RALYL: variants seen among roughly 807,000 people sequenced by gnomAD.
The protein encoded by RALYL is RALY RNA binding protein like.
Under a neutral mutation model 35.1 loss-of-function variants are expected in RALYL, and 29 were observed. The ratio of observed to expected loss-of-function variants is 0.83; its 90% confidence interval spans 0.61 to 1.13. RALYL has a LOEUF of 1.13. RALYL is among the 50% of genes most tolerant of loss of function. The probability of loss-of-function intolerance (pLI) is 0.00; values close to 1 mark genes in which losing one functional copy is unlikely to be tolerated. For missense variants in RALYL, 359 were observed against 360.4 expected, an observed-to-expected ratio of 1.00 and a Z score of 0.03; for synonymous variants, 120 against 127.6, an observed-to-expected ratio of 0.94 and a Z score of 0.40.
chr8:84,410,145 A>T (rs553532525), intron 1 of RALYL, among the ~76,000 whole-genome samples: 1 of 152,056 alleles, frequency 6.6e-6, no homozygotes, highest in East Asian at 1.9e-4. Flanking sequence ...AAACATGAAA[A>T]ATACTCTGAT....
chr8:84,513,640 T>A (rs1353062252), intron 1 of RALYL, among the ~76,000 whole-genome samples: 1 of 152,180 alleles, frequency 6.6e-6, no homozygotes, highest in African/African-American at 2.4e-5. Flanking sequence ...TCTTGTTATA[T>A]TTAAATAAAC....
intron 1 of RALYL, among the ~76,000 whole-genome samples, chr8:84,323,916 T>C (rs1235377698): frequency 6.6e-6 from 1 of 152,138 alleles, no homozygotes; most frequent in Admixed American, 6.5e-5. Flanking sequence ...TGTGTTAAAA[T>C]ATATTGGAAC....
chr8:84,426,434 C>G (rs62526803), intron 1 of RALYL, among the ~76,000 whole-genome samples: 39 of 64,742 alleles, frequency 6.0e-4, no homozygotes, highest in African/African-American at 1.6e-3. Flanking sequence ...TTCTCTCTCT[C>G]TCTCTGTGTG....
intron 1 of RALYL, among the ~76,000 whole-genome samples, chr8:84,365,971 T>A (rs1586629479): frequency 6.6e-6 from 1 of 152,202 alleles, no homozygotes; most frequent in Non-Finnish European, 1.5e-5. Context: ...TCATAGATGC[T>A]TCACTGTAGC....
chr8:84,815,587 G>A (rs1472898313), intron 4 of RALYL, among the ~76,000 whole-genome samples: 2 of 151,320 alleles, frequency 1.3e-5, no homozygotes, highest in Admixed American at 6.6e-5. Context: ...TAAGTTTGGG[G>A]GCTCATATTC....
intron 1 of RALYL, among the ~76,000 whole-genome samples, chr8:84,235,663 T>G (rs1200817331): frequency 6.6e-6 from 1 of 152,166 alleles, no homozygotes; most frequent in Middle Eastern, 3.2e-3. Flanking sequence ...GGATAGTTAG[T>G]AATATTTTTA....
At chr8:84,495,807 C>T (rs1023694151) in intron 1 of RALYL, among the ~76,000 whole-genome samples, 5 of 152,046 alleles carry the variant, frequency 3.3e-5, no homozygotes, top group African/African-American at 1.2e-4. Context: ...GAAGCAAATG[C>T]ATAAAGTGTC....
At chr8:84,846,852 G>T (rs1264297125) in intron 4 of RALYL, among the ~76,000 whole-genome samples, 1 of 152,142 alleles carries the variant, frequency 6.6e-6, no homozygotes, top group Non-Finnish European at 1.5e-5. Flanking sequence ...GGGATTGATT[G>T]TAATGTTATC....
At chr8:84,346,382 G>A (rs1849838640) in intron 1 of RALYL, among the ~76,000 whole-genome samples, 1 of 152,102 alleles carries the variant, frequency 6.6e-6, no homozygotes, top group African/African-American at 2.4e-5. Flanking sequence ...GAGTATGTTT[G>A]TATTCATGGT....
chr8:84,313,048 C>T (rs1843095415), intron 1 of RALYL, among the ~76,000 whole-genome samples: 1 of 152,232 alleles, frequency 6.6e-6, no homozygotes, highest in Non-Finnish European at 1.5e-5. Flanking sequence ...CAAGCCTCAC[C>T]TCTTGTCTTC....
chr8:84,692,158 G>A (rs757810282), intron 2 of RALYL, among the ~76,000 whole-genome samples: 30 of 151,744 alleles, frequency 2.0e-4, no homozygotes, highest in Non-Finnish European at 2.9e-4. Context: ...GAAACTTTAC[G>A]CCTTGAAATG....
chr8:84,321,987 A>T (rs564478488), intron 1 of RALYL, among the ~76,000 whole-genome samples: 2 of 152,118 alleles, frequency 1.3e-5, no homozygotes, highest in Non-Finnish European at 2.9e-5. Context: ...AACCCTAAAC[A>T]TGCATGTACC....
chr8:84,541,262 C>T (rs1159503176), intron 2 of RALYL, among the ~76,000 whole-genome samples: 1 of 151,956 alleles, frequency 6.6e-6, no homozygotes, highest in African/African-American at 2.4e-5. Flanking sequence ...TGAGCACAGT[C>T]TCAGCCTCAT....
intron 1 of RALYL, among the ~76,000 whole-genome samples, chr8:84,388,839 T>C (rs1859889757): frequency 6.6e-6 from 1 of 152,062 alleles, no homozygotes; most frequent in Non-Finnish European, 1.5e-5. Context: ...AGAAGCTCTT[T>C]AGTTTAATTA....
chr8:84,884,489 A>G (rs557387538), intron 7 of RALYL, among the ~76,000 whole-genome samples: 222 of 143,734 alleles, frequency 1.5e-3, no homozygotes, highest in African/African-American at 5.8e-3. Context: ...AAAATTATAT[A>G]TACATATACA....
At chr8:84,409,670 G>A (rs775182033) in intron 1 of RALYL, among the ~76,000 whole-genome samples, 51 of 151,888 alleles carry the variant, frequency 3.4e-4, no homozygotes, top group Middle Eastern at 3.4e-3. Context: ...TTTTTCCATC[G>A]TATACTCCTC....
At chr8:84,319,683 C>T (rs772175397) in intron 1 of RALYL, among the ~76,000 whole-genome samples, 11 of 152,018 alleles carry the variant, frequency 7.2e-5, no homozygotes, top group African/African-American at 1.2e-4. Context: ...GTAAGTAAAG[C>T]TTTCATTAAT....
chr8:84,393,161 C>T (rs142688321), intron 1 of RALYL, among the ~76,000 whole-genome samples: 2,413 of 152,152 alleles, frequency 0.016, 60 homozygotes, highest in African/African-American at 0.055. Flanking sequence ...ATCTCTGTCT[C>T]TACTTTGGGG....
intron 1 of RALYL, among the ~76,000 whole-genome samples, chr8:84,499,467 A>G (rs1340656109): frequency 1.3e-5 from 2 of 152,208 alleles, no homozygotes. Context: ...TTTTAATTTT[A>G]AATCGTATTT....
Sources: gnomAD v4.1 joint callset for allele counts (sites outside exome capture counted in the v4.1 genomes callset) on GRCh38, gnomAD v4.1.1 for gene constraint, MANE v1.5 for transcripts, NCBI Gene and HGNC (gene_info 2026-07-23, HGNC 2026-07-21) for gene names.